ABCD3: variants seen among roughly 807,000 people sequenced by gnomAD.
ABCD3 encodes the protein ATP-binding cassette sub-family D member 3.
ABCD3 carries 41 observed loss-of-function variants against 105.5 expected under a neutral mutation model. The ratio of observed to expected loss-of-function variants is 0.39; its 90% confidence interval spans 0.30 to 0.50. The LOEUF (loss-of-function observed/expected upper bound fraction) is 0.50, where lower values mean the gene tolerates loss of function less well. Ranked by LOEUF, ABCD3 falls within the 20% of genes least tolerant of loss-of-function variation. ABCD3 has a pLI of 0.84. For missense variants in ABCD3, 622 were observed against 806.3 expected (o/e 0.77, Z 2.77); for synonymous variants, 258 against 269.0 (o/e 0.96, Z 0.40).
chr1:94,455,956 A>C (rs1647533772), intron 1 of ABCD3, among the ~76,000 whole-genome samples: 1 of 151,782 alleles, frequency 6.6e-6, no homozygotes, highest in Non-Finnish European at 1.5e-5. Context: ...TTTTATGTTG[A>C]TATACATATA....
intron 3 of ABCD3, among the ~76,000 whole-genome samples, chr1:94,465,515 G>A (rs1025836769): frequency 1.3e-5 from 2 of 151,990 alleles, no homozygotes; most frequent in South Asian, 2.1e-4. Context: ...TGAAATGCTA[G>A]GGTACTGCCA....
At chr1:94,460,342 T>C (rs948623253) in intron 2 of ABCD3, among the ~76,000 whole-genome samples, 1 of 152,152 alleles carries the variant, frequency 6.6e-6, no homozygotes, top group African/African-American at 2.4e-5. Context: ...GCTGATAGTA[T>C]TGACTATGTA....
intron 8 of ABCD3, 106 bp from the exon 9 acceptor site, chr1:94,480,358 C>T: frequency 7.0e-7 from 1 of 1,433,622 alleles, no homozygotes; most frequent in Non-Finnish European, 9.7e-7. Context: ...AGGGCAATTT[C>T]TTTCAGTCAT....
chr1:94,436,027 G>A (rs897769188), intron 1 of ABCD3, among the ~76,000 whole-genome samples: 3 of 152,114 alleles, frequency 2.0e-5, no homozygotes, highest in African/African-American at 7.2e-5. Flanking sequence ...TATGTTCCAG[G>A]CTCCTCTTAG....
At chr1:94,447,267 T>A (rs1346093021) in intron 1 of ABCD3, among the ~76,000 whole-genome samples, 1 of 152,186 alleles carries the variant, frequency 6.6e-6, no homozygotes, top group Non-Finnish European at 1.5e-5. Flanking sequence ...CACCAGTTTT[T>A]GTAATTAAGA....
chr1:94,472,713 A>T (rs1158254), intron 4 of ABCD3, among the ~76,000 whole-genome samples: 2 of 151,960 alleles, frequency 1.3e-5, no homozygotes, highest in South Asian at 4.1e-4. Flanking sequence ...TTATCCATCT[A>T]GTCCCTCACA....
chr1:94,491,063 T>C (rs1311813047), intron 15 of ABCD3, 121 bp from the exon 16 acceptor site: 2 of 692,470 alleles, frequency 2.9e-6, no homozygotes, highest in Admixed American at 2.8e-5. Flanking sequence ...ATTTCTTCTT[T>C]TAAGAAGTGT....
At chr1:94,394,455 C>T in the ABCD3 span, among the ~76,000 whole-genome samples, 1 of 152,300 alleles carries the variant, frequency 6.6e-6, no homozygotes, top group East Asian at 1.9e-4. Flanking sequence ...TACCAGGTGC[C>T]AGACTGCAAA....
rs368906775 is a variant in ABCD3, at chr1:94,478,318, G to T, written c.684+3G>T. The T allele has an allele frequency of 6.3e-7, 1 of 1,598,244 alleles. No homozygotes were observed. Among genetic ancestry groups the T allele is most frequent in the Middle Eastern group, 1.8e-4 (1 of 5,454 alleles). ...TAACGAGTGCAATTGGAGCTCAGGT[G>T]AGTCTGCTTTTATTTCAACTTTTAA... On this transcript the variant is annotated splice_donor_region_variant and intron_variant, in intron 8 of 22. Transcript: ENST00000370214.
At position 94,464,759 on chromosome 1, in the gene ABCD3, CT is replaced by C. The variant is rs756130721; in HGVS notation, c.148-8del. On this transcript the variant is annotated splice_polypyrimidine_tract_variant and intron_variant, in intron 2 of 22. Coordinates refer to ENST00000370214, the MANE Select transcript of ABCD3 (RefSeq NM_002858.4). ...TGTTATAGCTATCTTAAAAGGGCTTCTTTTTTTTAATGCAGAAAGAGGGGAA... is the reference window on the plus strand; with the variant it reads ...TGTTATAGCTATCTTAAAAGGGCTTCTTTTTTTAATGCAGAAAGAGGGGAA... 1.4e-5 allele frequency: 22 copies of C among 1,569,588 alleles called. No individual in the cohort carries two copies. Among genetic ancestry groups the C allele is most frequent in the African/African-American group, 4.0e-5 (3 of 74,130 alleles).
chr1:94,474,855 A>G (rs971307496), intron 5 of ABCD3, among the ~76,000 whole-genome samples: 2 of 152,076 alleles, frequency 1.3e-5, no homozygotes, highest in African/African-American at 4.8e-5. Context: ...TTGGCTAGAA[A>G]GGGGATATAT....
chr1:94,511,654 C>T (rs1445935214), intron 21 of ABCD3, among the ~76,000 whole-genome samples: 1 of 152,140 alleles, frequency 6.6e-6, no homozygotes, highest in African/African-American at 2.4e-5. Context: ...TTGGTCTTTT[C>T]ACATAGTCCC....
In ABCD3 at chr1:94,475,137, T is replaced by C. The variant is rs781500412; in HGVS notation, c.406-6T>C. The C allele has an allele frequency of 1.6e-4, 246 of 1,568,486 alleles. No individual in the cohort carries two copies. Among genetic ancestry groups the C allele is most frequent in the Non-Finnish European group, 8.7e-6 (10 of 1,145,484 alleles). On this transcript the variant is annotated splice_polypyrimidine_tract_variant and splice_region_variant and intron_variant, in intron 5 of 22. Transcript: ENST00000370214. ...AAAACCAATAATATTTGTTTGTTTG[T>C]TTTAGATCTCTCTGGTTAATAACTT...
chr1:94,516,993 A>T, intron 22 of ABCD3, 59 bp from the exon 23 acceptor site: 3 of 1,174,082 alleles, frequency 2.6e-6, no homozygotes, highest in Non-Finnish European at 3.8e-6. Context: ...ACTTTTCATA[A>T]AAGACAGTAC....
chr1:94,508,478 C>G (rs1650477584), intron 21 of ABCD3, among the ~76,000 whole-genome samples: 1 of 151,692 alleles, frequency 6.6e-6, no homozygotes, highest in Admixed American at 6.6e-5. Context: ...GATGCGTGCT[C>G]TTTTTTGGTT....
At chr1:94,474,880 G>A (rs556706832) in intron 5 of ABCD3, among the ~76,000 whole-genome samples, 3 of 151,624 alleles carry the variant, frequency 2.0e-5, no homozygotes, top group East Asian at 1.9e-4. Context: ...CTTTTTGCCC[G>A]TTTACCAAAA....
At chr1:94,445,795 C>G (rs1341222206) in intron 1 of ABCD3, among the ~76,000 whole-genome samples, 1 of 152,136 alleles carries the variant, frequency 6.6e-6, no homozygotes, top group East Asian at 1.9e-4. Flanking sequence ...ATTGCAGATT[C>G]AGCTGCTCAG....
Position 94,479,171 on chromosome 1 carries a change from C to G in ABCD3, c.684+856C>G, listed in dbSNP as rs11165146. Among the ~76,000 whole-genome samples the G allele has an allele frequency of 5.3e-3, 810 of 152,080 alleles. 8 individuals carry two copies. The highest frequency in any genetic ancestry group is 0.018 in the African/African-American group (746 of 41,468). ...TTTTCGAATTTTTCTGTTTATTTTC[C>G]TAATTCTTTGCTGTCTTGTGATCCA... On this transcript the variant is annotated intron_variant, in intron 8 of 22. Coordinates refer to ENST00000370214, the MANE Select transcript of ABCD3 (RefSeq NM_002858.4).
At chr1:94,419,369 C>G in intron 1 of ABCD3, 1 of 984,676 alleles carries the variant, frequency 1.0e-6, no homozygotes, top group Non-Finnish European at 1.2e-6. Flanking sequence ...GCTTCCACCG[C>G]GGGAGAATTT....
Sources: allele counts gnomAD v4.1 joint callset (sites outside exome capture counted in the v4.1 genomes callset), GRCh38; gene constraint gnomAD v4.1.1; transcripts MANE v1.5; gene names NCBI Gene and HGNC (gene_info 2026-07-23, HGNC 2026-07-21).